The following VTI1A variants were observed in gnomAD, a reference collection of about 807,000 sequenced individuals.
VTI1A encodes vesicle transport through interaction with t-SNAREs 1A.
VTI1A carries 22 observed loss-of-function variants against 34.9 expected under a neutral mutation model. The ratio of observed to expected loss-of-function variants is 0.63; its 90% CI spans 0.45 to 0.90. VTI1A has a LOEUF of 0.90. Among genes scored for constraint, VTI1A ranks in the 40% least tolerant of loss-of-function variants. VTI1A has a pLI of 0.00. For missense variants in VTI1A, 268 were observed against 275.6 expected, an observed-to-expected ratio of 0.97 and a Z score of 0.20; for synonymous variants, 87 against 97.3, an observed-to-expected ratio of 0.89 and a Z score of 0.62.
intron 5 of VTI1A, among the ~76,000 whole-genome samples, chr10:112,576,347 T>G (rs1036753891): frequency 1.3e-5 from 2 of 152,206 alleles, no homozygotes; most frequent in African/African-American, 4.8e-5. Context: ...GGGCCAGACC[T>G]AACATGTTCA....
At chr10:112,639,083 C>T (rs928287433) in intron 5 of VTI1A, among the ~76,000 whole-genome samples, 1 of 152,240 alleles carries the variant, frequency 6.6e-6, no homozygotes, top group South Asian at 2.1e-4. Context: ...GGATTTCTTA[C>T]TTTTGCTCTG....
At chr10:112,450,427 T>C (rs1013104855) in intron 1 of VTI1A, 1 of 152,144 alleles carries the variant, frequency 6.6e-6, no homozygotes, top group Non-Finnish European at 1.5e-5. Context: ...GCGAGTGCAG[T>C]GTTGAGCTAA....
chr10:112,662,879 A>G (rs889864248), intron 5 of VTI1A, among the ~76,000 whole-genome samples: 9 of 152,074 alleles, frequency 5.9e-5, no homozygotes, highest in Non-Finnish European at 1.5e-5. Context: ...GATTGGATTC[A>G]TCCGTGATTA....
At chr10:112,582,317 T>C (rs1383365700) in intron 5 of VTI1A, among the ~76,000 whole-genome samples, 13 of 152,280 alleles carry the variant, frequency 8.5e-5, no homozygotes, top group Admixed American at 8.5e-4. Context: ...ATATATTACA[T>C]TGGGGATTAG....
the VTI1A span, among the ~76,000 whole-genome samples, chr10:112,846,723 G>A: frequency 8.2e-5 from 12 of 146,010 alleles, no homozygotes; most frequent in South Asian, 2.2e-4. Flanking sequence ...CCGAGATCGC[G>A]CCACTGCACT....
intron 7 of VTI1A, among the ~76,000 whole-genome samples, chr10:112,696,182 T>G (rs932685640): frequency 1.3e-5 from 2 of 151,924 alleles, no homozygotes; most frequent in African/African-American, 4.8e-5. Flanking sequence ...CAGAGCTACT[T>G]ATCTTATTCT....
downstream of VTI1A, among the ~76,000 whole-genome samples, chr10:112,821,285 T>C (rs1216113286): frequency 6.6e-6 from 1 of 151,854 alleles, no homozygotes; most frequent in Non-Finnish European, 1.5e-5. Context: ...CCAGGGCTTT[T>C]CCTGGGGGCA....
chr10:112,839,155 G>C, the VTI1A span, among the ~76,000 whole-genome samples: 1 of 152,208 alleles, frequency 6.6e-6, no homozygotes, highest in South Asian at 2.1e-4. Context: ...GGATGGAGTC[G>C]AAACTCACTC....
chr10:112,801,070 T>C (rs923163605), intron 7 of VTI1A, among the ~76,000 whole-genome samples: 2 of 152,200 alleles, frequency 1.3e-5, no homozygotes, highest in Non-Finnish European at 2.9e-5. Context: ...CTTGGTGGGT[T>C]ACTAGTTCAG....
intron 5 of VTI1A, among the ~76,000 whole-genome samples, chr10:112,583,197 G>C (rs1030125471): frequency 1.7e-4 from 26 of 152,122 alleles, no homozygotes; most frequent in Admixed American, 1.7e-3. Flanking sequence ...TCTGGCCCTG[G>C]GTGCTGATAA....
At chr10:112,532,213 G>A (rs1429160480) in intron 4 of VTI1A, among the ~76,000 whole-genome samples, 2 of 152,152 alleles carry the variant, frequency 1.3e-5, no homozygotes, top group African/African-American at 2.4e-5. Context: ...CAAAAACAGC[G>A]TTAAGCATTG....
At chr10:112,653,455 G>A (rs1564868235) in intron 5 of VTI1A, among the ~76,000 whole-genome samples, 2 of 152,170 alleles carry the variant, frequency 1.3e-5, no homozygotes, top group African/African-American at 4.8e-5. Context: ...TGTGTGCTGG[G>A]GAAGGCACAG....
chr10:112,784,133 C>G (rs1469396954), intron 7 of VTI1A, among the ~76,000 whole-genome samples: 3 of 152,264 alleles, frequency 2.0e-5, no homozygotes, highest in Admixed American at 6.5e-5. Flanking sequence ...CAGTTCAGAC[C>G]TTGAACTTAA....
At chr10:112,809,030 T>C (rs1027419176) in intron 7 of VTI1A, among the ~76,000 whole-genome samples, 1 of 152,184 alleles carries the variant, frequency 6.6e-6, no homozygotes, top group Non-Finnish European at 1.5e-5. Flanking sequence ...TAGAGAGCTG[T>C]CATTGGCTGG....
chr10:112,588,529 C>T (rs1294458943), intron 5 of VTI1A, among the ~76,000 whole-genome samples: 1 of 152,266 alleles, frequency 6.6e-6, no homozygotes. Flanking sequence ...CAGTTCAGAG[C>T]TACTGTACAT....
chr10:112,727,476 G>A (rs545683631), intron 7 of VTI1A, among the ~76,000 whole-genome samples: 10 of 152,004 alleles, frequency 6.6e-5, no homozygotes, highest in African/African-American at 2.4e-4. Flanking sequence ...CTACTTACAT[G>A]AAAAAAATAT....
chr10:112,672,279 C>T (rs1315884319), intron 7 of VTI1A, among the ~76,000 whole-genome samples: 1 of 152,168 alleles, frequency 6.6e-6, no homozygotes, highest in Admixed American at 6.5e-5. Context: ...TTTAGTGAGA[C>T]AGCAACTGCT....
intron 5 of VTI1A, among the ~76,000 whole-genome samples, chr10:112,581,123 G>A (rs1049122341): frequency 2.0e-5 from 3 of 152,170 alleles, no homozygotes; most frequent in South Asian, 2.1e-4. Flanking sequence ...AGGTCACCCC[G>A]TGGGAGCTCT....
downstream of VTI1A, chr10:112,823,698 G>A (rs960956719): frequency 2.6e-5 from 4 of 152,252 alleles, no homozygotes; most frequent in African/African-American, 9.7e-5. Flanking sequence ...AGCAAATGCA[G>A]CCGCATGTTC....
Sources: gnomAD v4.1 joint callset for allele counts (sites outside exome capture counted in the v4.1 genomes callset) on GRCh38, gnomAD v4.1.1 for gene constraint, MANE v1.5 for transcripts, NCBI Gene and HGNC (gene_info 2026-07-23, HGNC 2026-07-21) for gene names.